The following ALG9 variants were observed in gnomAD, a reference collection of about 807,000 sequenced individuals.
ALG9 encodes the protein ALG9 alpha-1,2-mannosyltransferase.
A neutral mutation model predicts 81.8 loss-of-function variants in ALG9; 55 were observed. That is an observed-to-expected ratio of 0.67 (90% CI 0.54 to 0.84). ALG9 has a LOEUF of 0.84. Ranked by LOEUF, ALG9 falls within the 40% of genes least tolerant of loss-of-function variation. ALG9 has a pLI of 0.00. For missense variants in ALG9, 629 were observed against 745.0 expected (o/e 0.84, Z 1.81); for synonymous variants, 278 against 274.3 (o/e 1.01, Z -0.13).
chr11:111,837,687 T>A, intron 11 of ALG9, 72 bp from the exon 12 acceptor site: 1 of 1,533,996 alleles, frequency 6.5e-7, no homozygotes, highest in Middle Eastern at 1.8e-4. Flanking sequence ...ATACTGCTCA[T>A]TAATGTCGCA....
chr11:111,816,092 A>G (rs1951431930), intron 13 of ALG9, among the ~76,000 whole-genome samples: 1 of 152,180 alleles, frequency 6.6e-6, no homozygotes, highest in African/African-American at 2.4e-5. Context: ...GCCTCTTCAC[A>G]ATTTAGTAGT....
At chr11:111,806,726 C>G (rs1362005360) in intron 14 of ALG9, among the ~76,000 whole-genome samples, 2 of 152,134 alleles carry the variant, frequency 1.3e-5, no homozygotes, top group African/African-American at 4.8e-5. Flanking sequence ...GCTCAGACTT[C>G]CCCCTTGAAC....
intron 9 of ALG9, among the ~76,000 whole-genome samples, chr11:111,843,162 TAG>T (rs1555125551): frequency 6.6e-6 from 1 of 152,148 alleles, no homozygotes; most frequent in Non-Finnish European, 1.5e-5. Flanking sequence ...ATAGAAGGGA[TAG>T]AGGAATAAGT....
rs201944855 is a variant in ALG9 at position 111,853,482 on chromosome 11, G to A, written c.793C>T (p.Pro265Ser). 2.5e-6 allele frequency: 4 copies of A among 1,612,634 alleles called. No homozygotes were observed. In the Admixed American group the frequency reaches 6.7e-5, roughly 27 times the overall value. Residue 265 changes from proline (P) to serine (S), a missense_variant, in exon 8 of 15, where the codon CCT (proline) becomes TCT (serine). By Grantham distance (74) the Pro-to-Ser change is moderately conservative. Coordinates refer to ENST00000616540, the MANE Select transcript of ALG9 (RefSeq NM_024740.2). ...TAGTAGCTGTCAATGACCACCACAG[G>A]CACCTAAAACAGAGCAGAAAATAGT... ...SLMALILFLV[P>S]VVVIDSYYYG...
rs1213078008 is a variant in ALG9, at chr11:111,786,161, G to A, written c.*236C>T. ...GCAATATATCTATCTGTGCTTTAGGGCCTTTCTCTGCCTAGCTGCAAAAAG... is the reference window on the plus strand; with the variant it reads ...GCAATATATCTATCTGTGCTTTAGGACCTTTCTCTGCCTAGCTGCAAAAAG... On this transcript the variant is annotated 3_prime_UTR_variant, in exon 15 of 15. Transcript: ENST00000616540. 5.0e-6 allele frequency: 3 copies of A among 601,392 alleles called. No homozygotes were observed. Among genetic ancestry groups the A allele is most frequent in the Admixed American group, 4.3e-5 (2 of 46,754 alleles). 37.3% of individuals were successfully genotyped at this position (601,392 alleles called of 1,614,324 possible). A position where few individuals can be genotyped will look rare whatever the true frequency, so the allele number is the denominator to read the frequency against.
At chr11:111,843,467 A>T (rs1413552104) in intron 9 of ALG9, among the ~76,000 whole-genome samples, 1 of 152,218 alleles carries the variant, frequency 6.6e-6, no homozygotes, top group Non-Finnish European at 1.5e-5. Flanking sequence ...CGTTGAAACA[A>T]AAGTCCTAAC....
intron 14 of ALG9, chr11:111,798,201 T>C: frequency 3.1e-6 from 1 of 323,938 alleles, no homozygotes; most frequent in Non-Finnish European, 6.1e-6. Flanking sequence ...AGACCCTGTC[T>C]TAAAAAGAAA....
intron 1 of ALG9, 42 bp downstream of exon 1, chr11:111,871,310 G>A: frequency 1.4e-6 from 2 of 1,383,246 alleles, no homozygotes; most frequent in Non-Finnish European, 1.9e-6. Flanking sequence ...GCCCCGAACC[G>A]CCCCGCCGGC....
chr11:111,797,654 G>C (rs1436353553), intron 14 of ALG9, among the ~76,000 whole-genome samples: 3 of 152,216 alleles, frequency 2.0e-5, no homozygotes, highest in Non-Finnish European at 4.4e-5. Context: ...ATCTTCCATA[G>C]AGAAATAGTT....
At chr11:111,861,457 G>A (rs1056708139) in intron 4 of ALG9, among the ~76,000 whole-genome samples, 25 of 151,864 alleles carry the variant, frequency 1.6e-4, no homozygotes, top group African/African-American at 5.3e-4. Flanking sequence ...GTTTCCTTTC[G>A]TTTCCTTTCT....
chr11:111,779,606 C>T (rs1945817558), downstream of ALG9, among the ~76,000 whole-genome samples: 1 of 152,098 alleles, frequency 6.6e-6, no homozygotes, highest in Non-Finnish European at 1.5e-5. Flanking sequence ...CCACCTCAGC[C>T]TCCCAAAGTG....
chr11:111,772,226 G>A, the ALG9 span, among the ~76,000 whole-genome samples: 1 of 152,174 alleles, frequency 6.6e-6, no homozygotes, highest in Non-Finnish European at 1.5e-5. Flanking sequence ...AGGAGTTTGA[G>A]ACCAGCCTAG....
chr11:111,799,987 C>T (rs190892394), intron 14 of ALG9, among the ~76,000 whole-genome samples: 28 of 152,164 alleles, frequency 1.8e-4, no homozygotes, highest in Admixed American at 1.8e-3. Context: ...TCAAGCACCC[C>T]CTCCTTCTGG....
intron 14 of ALG9, chr11:111,805,103 G>A (rs186366223): frequency 2.0e-5 from 7 of 356,106 alleles, no homozygotes; most frequent in Middle Eastern, 4.3e-4. Context: ...CCTATGTGAT[G>A]GTATTTGGAG....
chr11:111,856,513 T>C (rs1252654525), intron 6 of ALG9, among the ~76,000 whole-genome samples: 1 of 151,826 alleles, frequency 6.6e-6, no homozygotes, highest in Non-Finnish European at 1.5e-5. Context: ...ACACACAGCA[T>C]AATTTTTCTG....
downstream of ALG9, among the ~76,000 whole-genome samples, chr11:111,781,917 A>G (rs1485525868): frequency 7.9e-5 from 12 of 152,238 alleles, no homozygotes; most frequent in African/African-American, 7.2e-5. Context: ...CAGTGCTGTG[A>G]TAACAGGCGT....
chr11:111,786,694 C>T (rs557520324), intron 14 of ALG9, among the ~76,000 whole-genome samples, 174 bp from the exon 15 acceptor site: 1 of 152,082 alleles, frequency 6.6e-6, no homozygotes, highest in Middle Eastern at 3.4e-3. Context: ...TAATCAAGGC[C>T]GAGTACCTTG....
intron 14 of ALG9, among the ~76,000 whole-genome samples, chr11:111,799,198 A>T (rs1300706884): frequency 4.6e-5 from 7 of 152,122 alleles, no homozygotes; most frequent in African/African-American, 1.7e-4. Flanking sequence ...CCAGGCTGGA[A>T]TGCAGTGGTG....
At chr11:111,774,035 C>T in the ALG9 span, among the ~76,000 whole-genome samples, 27 of 122,466 alleles carry the variant, frequency 2.2e-4, no homozygotes, top group Non-Finnish European at 2.4e-4. Context: ...GCTGGGATTA[C>T]AGGCATGAGC....
Sources: gnomAD v4.1 joint callset for allele counts (sites outside exome capture counted in the v4.1 genomes callset) on GRCh38, gnomAD v4.1.1 for gene constraint, MANE v1.5 for transcripts, NCBI Gene and HGNC (gene_info 2026-07-23, HGNC 2026-07-21) for gene names.